Variants in PTCHD4 observed in about 807,000 individuals in gnomAD.
PTCHD4 encodes the protein patched domain containing 4, also known as patched domain-containing protein 4.
PTCHD4 carries 33 observed loss-of-function variants against 58.1 expected under a neutral mutation model. The ratio of observed to expected loss-of-function variants is 0.57; its 90% CI spans 0.43 to 0.76. The LOEUF is 0.76. Among genes scored for constraint, PTCHD4 ranks in the 30% least tolerant of loss-of-function variants. The pLI is 0.00. For missense variants in PTCHD4, 1,058 were observed against 1,027.1 expected (o/e 1.03, Z -0.41); for synonymous variants, 478 against 409.6 (o/e 1.17, Z -2.02).
In PTCHD4 at chr6:47,869,417, A is replaced by G. The variant is rs1398474136; in HGVS notation, c.*8886T>C. ...GTATTTTTATAGTTAATATTACTACAATAATGCAATGTAATGCAGTGATAA... is the reference window on the plus strand; with the variant it reads ...GTATTTTTATAGTTAATATTACTACGATAATGCAATGTAATGCAGTGATAA... On this transcript the variant is annotated 3_prime_UTR_variant, in exon 5 of 5. Coordinates refer to ENST00000339488, the MANE Select transcript of PTCHD4 (RefSeq NM_001384253.1). Among the ~76,000 whole-genome samples the G allele has an allele frequency of 6.6e-6, 1 of 151,754 alleles. No homozygotes were observed. Among genetic ancestry groups the G allele is most frequent in the Non-Finnish European group, 1.5e-5 (1 of 67,810 alleles).
At chr6:48,064,114 A>G (rs1337393647) in intron 3 of PTCHD4, among the ~76,000 whole-genome samples, 2 of 152,174 alleles carry the variant, frequency 1.3e-5, no homozygotes, top group Non-Finnish European at 2.9e-5. Flanking sequence ...TATAATGGGA[A>G]TGGCAGGATT....
chr6:47,885,396 A>C (rs1273088743), intron 4 of PTCHD4, among the ~76,000 whole-genome samples: 1 of 152,168 alleles, frequency 6.6e-6, no homozygotes. Context: ...GCTTGCTAAC[A>C]TGCCCCCATT....
In PTCHD4 at chr6:47,864,525, T is replaced by C. The variant is rs146000733; in HGVS notation, c.*13778A>G. 1.7e-3 allele frequency among the ~76,000 whole-genome samples: 259 copies of C among 151,990 alleles called. 2 individuals carry two copies. Among genetic ancestry groups the C allele is most frequent in the African/African-American group, 5.8e-3 (241 of 41,524 alleles). ...TTACATTTTTTTTGAGTAAGCTACC[T>C]GGTGAAAGCCATGACCCAAAGGGCA... On this transcript the variant is annotated 3_prime_UTR_variant, in exon 5 of 5. Transcript: ENST00000339488.
At chr6:48,012,079 TTAAAG>T (rs1762694692) in intron 3 of PTCHD4, among the ~76,000 whole-genome samples, 1 of 152,316 alleles carries the variant, frequency 6.6e-6, no homozygotes, top group African/African-American at 2.4e-5. Context: ...CATATGAACT[TTAAAG>T]TAGTTTTCTC....
chr6:48,023,558 C>T (rs1399969195), intron 3 of PTCHD4, among the ~76,000 whole-genome samples: 1 of 152,104 alleles, frequency 6.6e-6, no homozygotes, highest in Non-Finnish European at 1.5e-5. Context: ...ATAAATATCC[C>T]TCCTAATTGT....
At position 47,872,943 on chromosome 6, in the gene PTCHD4, A is replaced by AAAC. The variant is rs1207005997; in HGVS notation, c.*5357_*5359dup. On this transcript the variant is annotated 3_prime_UTR_variant, in exon 5 of 5. Transcript: ENST00000339488. ...AGAGAGTCCTCATTAAGTATGAAAA[A>AAAC]AACTGATTAGAAAAAGTGTTCATTA... Among the ~76,000 whole-genome samples, 1 of 151,702 alleles carries AAAC rather than the reference A, an allele frequency of 6.6e-6. No individual in the cohort carries two copies. The highest frequency in any genetic ancestry group is 6.6e-5 in the Admixed American group (1 of 15,188).
In PTCHD4 at chr6:47,856,828, ATT is replaced by A. The variant is rs1763320794; in HGVS notation, c.*21473_*21474del. Among the ~76,000 whole-genome samples, 1 of 152,088 alleles carries A rather than the reference ATT, an allele frequency of 6.6e-6. No individual in the cohort carries two copies. Among genetic ancestry groups the A allele is most frequent in the African/African-American group, 2.4e-5 (1 of 41,446 alleles). ...ATAATTAACAGCATTCATCAGATTA[ATT>A]TTGTTTTCACATGATTTTCTAATAT... On this transcript the variant is annotated 3_prime_UTR_variant, in exon 5 of 5. Coordinates refer to ENST00000339488, the MANE Select transcript of PTCHD4 (RefSeq NM_001384253.1).
intron 4 of PTCHD4, among the ~76,000 whole-genome samples, chr6:47,995,023 T>C (rs1380002550): frequency 6.6e-6 from 1 of 152,202 alleles, no homozygotes; most frequent in Non-Finnish European, 1.5e-5. Flanking sequence ...CATAAAAAGA[T>C]GGTCACTCTC....
At chr6:48,095,753 A>G (rs541983650) in intron 1 of PTCHD4, among the ~76,000 whole-genome samples, 104 of 151,590 alleles carry the variant, frequency 6.9e-4, no homozygotes, top group African/African-American at 2.2e-3. Context: ...AAAAACAAAT[A>G]TAACTGTTGT....
At position 47,865,515 on chromosome 6, in the gene PTCHD4, A is replaced by G. The variant is rs542336547; in HGVS notation, c.*12788T>C. 1.3e-5 allele frequency among the ~76,000 whole-genome samples: 2 copies of G among 152,072 alleles called. No homozygotes were observed. Among genetic ancestry groups the G allele is most frequent in the East Asian group, 3.9e-4 (2 of 5,140 alleles). On this transcript the variant is annotated 3_prime_UTR_variant, in exon 5 of 5. Transcript: ENST00000339488. ...ACAGAGCTAATAACTAGTTACTGTT[A>G]TACCACATTAAATTCACTAATGTGA... is the stretch of plus-strand genomic sequence containing the variant.
At chr6:48,054,171 G>A (rs1295339112) in intron 3 of PTCHD4, among the ~76,000 whole-genome samples, 1 of 152,150 alleles carries the variant, frequency 6.6e-6, no homozygotes, top group Admixed American at 6.6e-5. Flanking sequence ...TAATTGAAAA[G>A]TTCCTGAAGT....
rs571047003 is a variant in PTCHD4 at position 48,100,997 on chromosome 6, T to C, written c.-970+10052A>G. Among the ~76,000 whole-genome samples, 23 of 151,938 alleles carry C rather than the reference T, an allele frequency of 1.5e-4. 1 individual carries two copies. The South Asian group carries it at 4.0e-3, about 26-fold the overall frequency. ...ATACATAAAAAGTAATCAAAATAAA[T>C]ATGGAGGTATAAATTTTTCTATGAC... is the stretch of plus-strand genomic sequence containing the variant. On this transcript the variant is annotated intron_variant, in intron 1 of 4. Coordinates refer to ENST00000339488, the MANE Select transcript of PTCHD4 (RefSeq NM_001384253.1).
At chr6:47,929,739 T>A (rs1765745555) in intron 4 of PTCHD4, among the ~76,000 whole-genome samples, 1 of 152,238 alleles carries the variant, frequency 6.6e-6, no homozygotes, top group South Asian at 2.1e-4. Flanking sequence ...GGATATCCAC[T>A]GAGTGTGCAA....
intron 1 of PTCHD4, among the ~76,000 whole-genome samples, chr6:48,078,525 A>G (rs2113890982): frequency 6.6e-6 from 1 of 152,272 alleles, no homozygotes; most frequent in South Asian, 2.1e-4. Context: ...TTAAATAAAC[A>G]TTTTCTAATT....
rs1763581676 is a variant in PTCHD4 at position 47,866,944 on chromosome 6, T to A, written c.*11359A>T. On this transcript the variant is annotated 3_prime_UTR_variant, in exon 5 of 5. Coordinates refer to ENST00000339488, the MANE Select transcript of PTCHD4 (RefSeq NM_001384253.1). Reference sequence around the variant, plus strand: ...TGGGGAGAAAATCTATGCAGTTATTTTTCATCACATATAATTTACATTTGG... The same window carrying A: ...TGGGGAGAAAATCTATGCAGTTATTATTCATCACATATAATTTACATTTGG... Among the ~76,000 whole-genome samples, 1 of 151,818 alleles carries A rather than the reference T, an allele frequency of 6.6e-6. No homozygotes were observed.
At chr6:48,096,087 A>C (rs1765465074) in intron 1 of PTCHD4, among the ~76,000 whole-genome samples, 1 of 152,238 alleles carries the variant, frequency 6.6e-6, no homozygotes, top group African/African-American at 2.4e-5. Flanking sequence ...ATAGGCAGAC[A>C]AATCAATTAT....
At chr6:47,921,927 A>G (rs1416908024) in intron 4 of PTCHD4, among the ~76,000 whole-genome samples, 1 of 150,800 alleles carries the variant, frequency 6.6e-6, no homozygotes, top group Non-Finnish European at 1.5e-5. Context: ...CCTGGGCAGC[A>G]TAGCAAGACA....
At chr6:47,970,278 A>G (rs995708195) in intron 4 of PTCHD4, among the ~76,000 whole-genome samples, 2 of 152,230 alleles carry the variant, frequency 1.3e-5, no homozygotes, top group Non-Finnish European at 2.9e-5. Context: ...CGTCATTAAA[A>G]AGAAAGTGGA....
intron 4 of PTCHD4, chr6:47,891,022 A>G (rs1278405674): frequency 5.2e-6 from 1 of 192,298 alleles, no homozygotes; most frequent in African/African-American, 2.4e-5. Flanking sequence ...AGCTTGGCCA[A>G]CATGGTGAGA....
Sources: gnomAD v4.1 joint callset for allele counts (sites outside exome capture counted in the v4.1 genomes callset) on GRCh38, gnomAD v4.1.1 for gene constraint, MANE v1.5 for transcripts, NCBI Gene and HGNC (gene_info 2026-07-23, HGNC 2026-07-21) for gene names.